The following OR1L6 variants were observed in gnomAD, a reference collection of about 807,000 sequenced individuals.
OR1L6 encodes olfactory receptor family 1 subfamily L member 6, also known as olfactory receptor 1L6.
Under a neutral mutation model 3.0 loss-of-function variants are expected in OR1L6, and 2 were observed. That is an observed-to-expected ratio of 0.68 (90% CI 0.28 to 2.13). The LOEUF (loss-of-function observed/expected upper bound fraction) is 2.13, where lower values mean the gene tolerates loss of function less well. OR1L6 is among the 30% of genes most tolerant of loss of function. The pLI is 0.14. For missense variants in OR1L6, 304 were observed against 378.4 expected (o/e 0.80, Z 1.63); for synonymous variants, 121 against 148.4 (o/e 0.82, Z 1.34).
At position 122,749,854 on chromosome 9, in the gene OR1L6, A is replaced by G. The variant is rs1326779684; in HGVS notation, c.7A>G (p.Ile3Val). 1 of 1,614,144 alleles carries G rather than the reference A, an allele frequency of 6.2e-7. No individual in the cohort carries two copies. Among genetic ancestry groups the G allele is most frequent in the Admixed American group, 1.7e-5 (1 of 60,026 alleles). ...ATCCAGGAAGTCCAGAGACATGGAG[A>G]TAAAGAACTACAGCAGCAGCACCTC... The part of the protein sequence containing the change: ME[I>V]KNYSSSTSGF... Residue 3 changes from isoleucine to valine, a missense_variant, in exon 2 of 2, where the codon ATA (isoleucine) becomes GTA (valine). Around this residue, in one of 3 missense-constraint regions of OR1L6, gnomAD observed 192 missense variants for 242.7 expected, o/e 0.79. Coordinates refer to ENST00000304720, the MANE Select transcript of OR1L6 (RefSeq NM_001004453.3).
chr9:122,750,248 A>T lies in OR1L6; in HGVS notation c.401A>T (p.Asp134Val), dbSNP rs1417883138. 6.2e-7 allele frequency: 1 copy of T among 1,614,046 alleles called. No individual in the cohort carries two copies. Among genetic ancestry groups the T allele is most frequent in the East Asian group, 2.2e-5 (1 of 44,876 alleles). Reference sequence around the variant, plus strand: ...GCCATCTGCAACCCCTTACACTATGATGTGGTTATGAAACCACGGCATTGC... The same window carrying T: ...GCCATCTGCAACCCCTTACACTATGTTGTGGTTATGAAACCACGGCATTGC... ...LVAICNPLHY[D>V]VVMKPRHCLL... Residue 134 changes from aspartate (D) to valine (V), a missense_variant, in exon 2 of 2, where the codon GAT (aspartate) becomes GTT (valine). Asp to Val is a radical substitution (Grantham distance 152). This residue lies in a region of OR1L6 where 192 missense variants were observed against 242.7 expected (regional missense o/e 0.79). Coordinates refer to ENST00000304720, the MANE Select transcript of OR1L6 (RefSeq NM_001004453.3).
intron 1 of OR1L6, among the ~76,000 whole-genome samples, chr9:122,745,966 T>C (rs1309664920): frequency 6.6e-6 from 1 of 152,174 alleles, no homozygotes; most frequent in African/African-American, 2.4e-5. Context: ...CAAACTGTCA[T>C]CTAGGTTTTA....
intron 1 of OR1L6, among the ~76,000 whole-genome samples, chr9:122,748,942 T>TGTGTGG (rs1236882107): frequency 6.6e-6 from 1 of 152,270 alleles, no homozygotes; most frequent in Non-Finnish European, 1.5e-5. Flanking sequence ...ATTGTGTGTG[T>TGTGTGG]GTGTGTGTGT....
chr9:122,746,246 C>G (rs1828835951), intron 1 of OR1L6, among the ~76,000 whole-genome samples: 1 of 152,180 alleles, frequency 6.6e-6, no homozygotes, highest in African/African-American at 2.4e-5. Context: ...TGGTAAATTA[C>G]TTAATTTTGC....
rs569689441 is a variant in OR1L6, at chr9:122,742,781, G to A, written c.-14+408G>A. 9.9e-5 allele frequency among the ~76,000 whole-genome samples: 15 copies of A among 152,228 alleles called. No individual in the cohort carries two copies. The East Asian group carries it at 1.5e-3, about 16-fold the overall frequency. Reference sequence around the variant, plus strand: ...GTTCTGTACCTCATTTGTGTTATCTGTAAAATGGAGTTGTTGTAAAGACTA... The same window carrying A: ...GTTCTGTACCTCATTTGTGTTATCTATAAAATGGAGTTGTTGTAAAGACTA... On this transcript the variant is annotated intron_variant, in intron 1 of 1. Transcript: ENST00000304720.
At chr9:122,746,733 C>T (rs1828841727) in intron 1 of OR1L6, among the ~76,000 whole-genome samples, 1 of 152,134 alleles carries the variant, frequency 6.6e-6, no homozygotes, top group African/African-American at 2.4e-5. Context: ...GGATCTAATT[C>T]CCTTTGTATA....
chr9:122,750,316 T>C lies in OR1L6; in HGVS notation c.469T>C (p.Ser157Pro), dbSNP rs902102033. The change falls in exon 2 of 2, where the codon TCC becomes CCC. Residue 157 changes from serine (S) to proline (P), a missense_variant. Physicochemically the swap from Ser to Pro is moderately conservative, Grantham distance 74 (BLOSUM62 -1). Transcript: ENST00000304720. Reference sequence around the variant, plus strand: ...TTCTTGCAGCATCTCCCACCTACATTCCCTGTTCCGCGTGCTACTTATGTC... The same window carrying C: ...TTCTTGCAGCATCTCCCACCTACATCCCCTGTTCCGCGTGCTACTTATGTC... Reference protein sequence around the residue: ...LGSCSISHLHSLFRVLLMSRL... With the variant: ...LGSCSISHLHPLFRVLLMSRL... 2 of 1,613,684 alleles carry C rather than the reference T, an allele frequency of 1.2e-6. No homozygotes were observed. The highest frequency in any genetic ancestry group is 2.7e-5 in the African/African-American group (2 of 74,790).
In OR1L6 at chr9:122,750,071, C is replaced by A. The variant is rs138656088; in HGVS notation, c.224C>A (p.Thr75Lys). ...SNLSFMDICFTTVIVPKMLVN... is the reference protein window; with the variant it reads ...SNLSFMDICFKTVIVPKMLVN... ...TTGTCTTTCATGGATATCTGCTTCA[C>A]AACAGTCATAGTGCCTAAGATGCTG... The change falls in exon 2 of 2, where the codon ACA becomes AAA. Residue 75 changes from threonine to lysine, a missense_variant. By Grantham distance (78) the Thr-to-Lys change is moderately conservative (BLOSUM62 -1). This residue lies in a region of OR1L6 where 192 missense variants were observed against 242.7 expected (regional missense o/e 0.79). Coordinates refer to ENST00000304720, the MANE Select transcript of OR1L6 (RefSeq NM_001004453.3). 6.2e-7 allele frequency: 1 copy of A among 1,614,042 alleles called. No homozygotes were observed. The highest frequency in any genetic ancestry group is 8.5e-7 in the Non-Finnish European group (1 of 1,180,042).
rs1247122443 is a variant in OR1L6, at chr9:122,750,476, C to T, written c.629C>T (p.Thr210Ile). The T allele has an allele frequency of 5.1e-6, 7 of 1,379,200 alleles. No individual in the cohort carries two copies. The highest frequency in any genetic ancestry group is 6.1e-6 in the Non-Finnish European group (6 of 977,950). 85.4% of individuals were successfully genotyped at this position (1,379,200 alleles called of 1,614,324 possible). The part of the protein sequence containing the change: ...VMTETLAVIV[T>I]PFLCIIFSYL... ...ACTGAGACCTTAGCTGTCATTGTGA[C>T]CCCCTTCCTGTGTATCATCTTCTCC... The change falls in exon 2 of 2, where the codon ACC becomes ATC. Residue 210 changes from threonine to isoleucine, a missense_variant. By Grantham distance (89) the Thr-to-Ile change is moderately conservative. Coordinates refer to ENST00000304720, the MANE Select transcript of OR1L6 (RefSeq NM_001004453.3).
chr9:122,749,711 GAA>G, intron 1 of OR1L6, 122 bp from the exon 2 acceptor site: 2 of 836,280 alleles, frequency 2.4e-6, no homozygotes, highest in Non-Finnish European at 3.8e-6. Flanking sequence ...CCGTCTCAAA[GAA>G]AAAAAAAACA....
intron 1 of OR1L6, 39 bp from the exon 2 acceptor site, chr9:122,749,796 C>A: frequency 1.9e-6 from 3 of 1,590,228 alleles, no homozygotes; most frequent in Non-Finnish European, 2.6e-6. Context: ...TCAAACTGCC[C>A]TTTACATCTC....
At chr9:122,749,314 GA>G (rs1413585741) in intron 1 of OR1L6, among the ~76,000 whole-genome samples, 7 of 152,092 alleles carry the variant, frequency 4.6e-5, no homozygotes, top group East Asian at 3.9e-4. Flanking sequence ...CGTTGATAGG[GA>G]TTATGTTCAG....
chr9:122,746,447 AT>A (rs1482875809), intron 1 of OR1L6, among the ~76,000 whole-genome samples: 1 of 152,182 alleles, frequency 6.6e-6, no homozygotes, highest in African/African-American at 2.4e-5. Flanking sequence ...AGTAATAAAA[AT>A]ATACTATAAA....
At chr9:122,744,561 G>C (rs1410771000) in intron 1 of OR1L6, among the ~76,000 whole-genome samples, 1 of 152,210 alleles carries the variant, frequency 6.6e-6, no homozygotes, top group Non-Finnish European at 1.5e-5. Flanking sequence ...TTTCCTGTCT[G>C]TCAAGGAAGG....
intron 1 of OR1L6, among the ~76,000 whole-genome samples, chr9:122,745,570 G>T (rs982512356): frequency 6.6e-6 from 1 of 151,412 alleles, no homozygotes. Flanking sequence ...CCACCACAAC[G>T]CCCAGCTAAG....
At chr9:122,744,922 G>GA (rs1267719847) in intron 1 of OR1L6, among the ~76,000 whole-genome samples, 5 of 152,182 alleles carry the variant, frequency 3.3e-5, no homozygotes, top group African/African-American at 1.2e-4. Flanking sequence ...CTGCCCCTGA[G>GA]AAAAATCTCA....
chr9:122,742,411 G>A (rs1344316401), intron 1 of OR1L6, 38 bp downstream of exon 1: 4 of 152,168 alleles, frequency 2.6e-5, no homozygotes, highest in African/African-American at 9.7e-5. Context: ...GGGAACTGTG[G>A]AGTCAATATC....
intron 1 of OR1L6, among the ~76,000 whole-genome samples, chr9:122,746,817 GCTGATCAT>G (rs1220649070): frequency 6.6e-6 from 1 of 152,118 alleles, no homozygotes; most frequent in African/African-American, 2.4e-5. Flanking sequence ...TATCAATTAT[GCTGATCAT>G]CTTGTCATAC....
At chr9:122,749,725 C>T (rs374635785) in intron 1 of OR1L6, 110 bp from the exon 2 acceptor site, 30 of 1,032,006 alleles carry the variant, frequency 2.9e-5, no homozygotes, top group Non-Finnish European at 4.2e-5. Flanking sequence ...AAAAAAACAA[C>T]CGTAACAAAG....
Sources: gnomAD v4.1 joint callset for allele counts (sites outside exome capture counted in the v4.1 genomes callset) on GRCh38, gnomAD v4.1.1 for gene constraint, gnomAD v4.1.1 regional missense constraint, MANE v1.5 for transcripts, NCBI Gene and HGNC (gene_info 2026-07-23, HGNC 2026-07-21) for gene names.